The following ORC3 variants were observed in gnomAD, a reference collection of about 807,000 sequenced individuals.
The protein encoded by ORC3 is homolog of latheo, Drosophila.
ORC3 carries 78 observed loss-of-function variants against 100.7 expected under a neutral mutation model. That is an observed-to-expected ratio of 0.77 (90% CI 0.65 to 0.94). The LOEUF (loss-of-function observed/expected upper bound fraction) is 0.94, where lower values mean the gene tolerates loss of function less well. Ranked by LOEUF, ORC3 falls within the 40% of genes least tolerant of loss-of-function variation. The probability of loss-of-function intolerance (pLI) is 0.00; values close to 1 mark genes in which losing one functional copy is unlikely to be tolerated. For synonymous variants in ORC3, 295 were observed against 289.3 expected, an observed-to-expected ratio of 1.02 and a Z score of -0.20; for missense variants, 789 against 823.9, an observed-to-expected ratio of 0.96 and a Z score of 0.52.
At chr6:87,608,200 C>T (rs1219709966) in intron 6 of ORC3, among the ~76,000 whole-genome samples, 1 of 152,146 alleles carries the variant, frequency 6.6e-6, no homozygotes. Context: ...TAGAACCATG[C>T]TGCTAGTATC....
chr6:87,599,675 CTT>C (rs1310766248), intron 2 of ORC3, among the ~76,000 whole-genome samples: 4 of 147,704 alleles, frequency 2.7e-5, no homozygotes, highest in Non-Finnish European at 5.9e-5. Flanking sequence ...TGCTTTGTCT[CTT>C]AATAATAGTG....
intron 5 of ORC3, among the ~76,000 whole-genome samples, chr6:87,606,222 G>C: frequency 6.6e-6 from 1 of 152,098 alleles, no homozygotes; most frequent in Admixed American, 6.5e-5. Flanking sequence ...CTTTGTTCTT[G>C]ACCCATTTCT....
intron 11 of ORC3, among the ~76,000 whole-genome samples, chr6:87,629,588 T>A (rs1767229034): frequency 1.0e-5 from 1 of 98,000 alleles, no homozygotes; most frequent in Admixed American, 1.2e-4. Context: ...ATTCAGGGGG[T>A]TACAGGTGCA....
chr6:87,616,924 T>C (rs1423628662), intron 9 of ORC3, among the ~76,000 whole-genome samples: 1 of 151,964 alleles, frequency 6.6e-6, no homozygotes, highest in East Asian at 1.9e-4. Flanking sequence ...CAGCCTCCCA[T>C]GTAGCTGGGA....
intron 13 of ORC3, among the ~76,000 whole-genome samples, chr6:87,645,644 G>A (rs983130114): frequency 2.0e-5 from 3 of 152,054 alleles, no homozygotes; most frequent in Non-Finnish European, 4.4e-5. Context: ...AACTCGTCAG[G>A]CAAAAGATGT....
At position 87,615,860 on chromosome 6, in the gene ORC3, TTGAAATAGACATCTG is replaced by T. The variant is rs1779118911; in HGVS notation, c.874-441_874-427del. Among the ~76,000 whole-genome samples, 3 of 152,244 alleles carry T rather than the reference TTGAAATAGACATCTG, an allele frequency of 2.0e-5. No individual in the cohort carries two copies. In the South Asian group the frequency reaches 6.2e-4, roughly 31 times the overall value. On this transcript the variant is annotated intron_variant, in intron 8 of 19. Transcript: ENST00000392844. ...ATACAAATTCAGCTATTCTATACTTTTGAAATAGACATCTGTGAAATAGACATTTGTGTTTCTCAT... is the reference window on the plus strand; with the variant it reads ...ATACAAATTCAGCTATTCTATACTTTTGAAATAGACATTTGTGTTTCTCAT...
At position 87,610,934 on chromosome 6, in the gene ORC3, C is replaced by CTT. The variant is rs67349945; in HGVS notation, c.714-1136_714-1135dup. Among the ~76,000 whole-genome samples the CTT allele has an allele frequency of 4.8e-3, 515 of 106,772 alleles. 9 individuals carry two copies. The highest frequency in any genetic ancestry group is 0.015 in the South Asian group (50 of 3,310). The allele number at this position is 106,772 out of a possible 152,430, so 70.0% of individuals were successfully genotyped here. ...AAGAGTTCTATATATTAGGACTTTT[C>CTT]TTTTTTTTTTTTTTTTTTTTGAGAC... On this transcript the variant is annotated intron_variant, in intron 7 of 19. Coordinates refer to ENST00000392844, the MANE Select transcript of ORC3 (RefSeq NM_012381.4).
intron 13 of ORC3, among the ~76,000 whole-genome samples, chr6:87,651,939 C>A (rs932472170): frequency 1.3e-5 from 2 of 149,844 alleles, no homozygotes; most frequent in Admixed American, 1.3e-4. Flanking sequence ...CACTCTGTTG[C>A]CCAGGCTGGA....
chr6:87,636,213 T>G (rs1183831609), intron 12 of ORC3, among the ~76,000 whole-genome samples, 194 bp from the exon 13 acceptor site: 1 of 152,130 alleles, frequency 6.6e-6, no homozygotes, highest in Non-Finnish European at 1.5e-5. Flanking sequence ...ATTACAGGCG[T>G]GAGCCACCGC....
At chr6:87,607,918 G>T in intron 6 of ORC3, 94 bp downstream of exon 6, 2 of 767,800 alleles carry the variant, frequency 2.6e-6, no homozygotes, top group Non-Finnish European at 2.0e-6. Flanking sequence ...ATCTAACAAG[G>T]ATATGTTTCT....
intron 11 of ORC3, among the ~76,000 whole-genome samples, chr6:87,632,738 C>T (rs1236229690): frequency 6.6e-6 from 1 of 152,086 alleles, no homozygotes; most frequent in Non-Finnish European, 1.5e-5. Context: ...GTGGCAGGCA[C>T]CTGTAATCCC....
At chr6:87,633,375 T>A (rs2128276911) in intron 11 of ORC3, among the ~76,000 whole-genome samples, 1 of 152,366 alleles carries the variant, frequency 6.6e-6, no homozygotes, top group East Asian at 1.9e-4. Context: ...TTTTTGATTA[T>A]GGCTACTTTT....
At chr6:87,641,360 G>A (rs35058527) in intron 13 of ORC3, among the ~76,000 whole-genome samples, 4,812 of 152,192 alleles carry the variant, frequency 0.032, 99 homozygotes, top group Middle Eastern at 0.054. Context: ...TGACAGAGCT[G>A]AAACTCTTTC....
At chr6:87,674,495 G>C in the ORC3 span, among the ~76,000 whole-genome samples, 1 of 151,370 alleles carries the variant, frequency 6.6e-6, no homozygotes, top group East Asian at 1.9e-4. Context: ...AGTCAAATTT[G>C]CTGAATCATG....
At chr6:87,645,478 AT>A (rs959313290) in intron 13 of ORC3, among the ~76,000 whole-genome samples, 6 of 152,062 alleles carry the variant, frequency 3.9e-5, no homozygotes, top group Admixed American at 6.6e-5. Context: ...ATGCTTCTTA[AT>A]TTTTTTACAT....
chr6:87,607,807 T>A lies in ORC3; in HGVS notation c.562T>A (p.Tyr188Asn), dbSNP rs756924642. Residue 188 changes from tyrosine (Y) to asparagine (N), a missense_variant, in exon 6 of 20, where the codon TAT (tyrosine) becomes AAT (asparagine). By Grantham distance (143) the Tyr-to-Asn change is moderately radical (BLOSUM62 -2). This residue lies in a region of ORC3 where 399 missense variants were observed against 382.0 expected (regional missense o/e 1.04). Coordinates refer to ENST00000392844, the MANE Select transcript of ORC3 (RefSeq NM_012381.4). ...TTCAATGGATTCACTTTCCAGTTGG[T>A]ATATGACTGTCACACAGGTAGATAT... Reference protein sequence around the residue: ...HYSMDSLSSWYMTVTQKTDPK... With the variant: ...HYSMDSLSSWNMTVTQKTDPK... 7 of 1,610,044 alleles carry A rather than the reference T, an allele frequency of 4.3e-6. No homozygotes were observed. In the South Asian group the frequency reaches 7.8e-5, roughly 18 times the overall value.
intron 13 of ORC3, among the ~76,000 whole-genome samples, chr6:87,642,775 G>A (rs1477382418): frequency 6.6e-6 from 1 of 151,650 alleles, no homozygotes; most frequent in African/African-American, 2.4e-5. Flanking sequence ...GGTGGCAGAC[G>A]CCTGTAGTCC....
intron 13 of ORC3, among the ~76,000 whole-genome samples, chr6:87,651,565 A>G (rs144883366): frequency 9.7e-4 from 147 of 152,324 alleles, no homozygotes; most frequent in Admixed American, 1.2e-3. Flanking sequence ...TAAAGATTAT[A>G]TCTTAGATAA....
At chr6:87,675,561 AG>A in the ORC3 span, 1 of 1,613,612 alleles carries the variant, frequency 6.2e-7, no homozygotes, top group Non-Finnish European at 8.5e-7. Flanking sequence ...CAACTCAACA[AG>A]GAACAAGGCA....
Sources: gnomAD v4.1 joint callset for allele counts (sites outside exome capture counted in the v4.1 genomes callset) on GRCh38, gnomAD v4.1.1 for gene constraint, gnomAD v4.1.1 regional missense constraint, MANE v1.5 for transcripts, NCBI Gene and HGNC (gene_info 2026-07-23, HGNC 2026-07-21) for gene names.